Variants in COL18A1 observed in about 807,000 individuals in gnomAD.
COL18A1 encodes the protein collagen alpha-1(XVIII) chain.
Under a neutral mutation model 168.0 loss-of-function variants are expected in COL18A1, and 133 were observed. The ratio of observed to expected loss-of-function variants is 0.79; its 90% CI spans 0.69 to 0.91. The LOEUF (loss-of-function observed/expected upper bound fraction) is 0.91. COL18A1 is among the 40% of genes least tolerant of loss of function. The pLI is 0.00. For missense variants in COL18A1, 2,126 were observed against 1,925.4 expected, an observed-to-expected ratio of 1.10 and a Z score of -1.95; for synonymous variants, 949 against 809.0, an observed-to-expected ratio of 1.17 and a Z score of -2.94.
In COL18A1 at chr21:45,489,477, T is replaced by C. The variant is rs761030886; in HGVS notation, c.1924-9T>C. ...AGCAGGTGCTCACGGAGCCCCTTTT[T>C]TCACTTAGGGGGATCCTGGCGTGCC... On this transcript the variant is annotated splice_polypyrimidine_tract_variant and intron_variant, in intron 18 of 41. Transcript: ENST00000651438. The C allele has an allele frequency of 1.3e-6, 2 of 1,598,574 alleles. No homozygotes were observed. Among genetic ancestry groups the C allele is most frequent in the Non-Finnish European group, 1.7e-6 (2 of 1,172,486 alleles).
Position 45,411,775 on chromosome 21 carries a change from GGCA to G in COL18A1, c.106+6304_106+6306del, listed in dbSNP as rs1478809301. On this transcript the variant is annotated intron_variant, in intron 2 of 41. Coordinates refer to ENST00000651438, the MANE Select transcript of COL18A1 (RefSeq NM_001379500.1). ...GGCTGATGGCGGGGGGTGGGGGGGGGGCAGGCTGTGGTCAGGGACCTGCAGGAG... is the reference window on the plus strand; with the variant it reads ...GGCTGATGGCGGGGGGTGGGGGGGGGGGCTGTGGTCAGGGACCTGCAGGAG... Among the ~76,000 whole-genome samples, 107 of 131,852 alleles carry G rather than the reference GGCA, an allele frequency of 8.1e-4. 5 individuals carry two copies. Among genetic ancestry groups the G allele is most frequent in the Admixed American group, 2.6e-3 (34 of 13,170 alleles). The allele number at this position is 131,852 out of a possible 152,430, so 86.5% of individuals were successfully genotyped here.
rs2033029577 is a variant in COL18A1 at position 45,405,208 on chromosome 21, G to A, written c.-23G>A. ...GCGGCGGAGGAGGCAGCATCCCGCG[G>A]CGCTGACGGTCCTGGGGAGAGCATG... On this transcript the variant is annotated 5_prime_UTR_variant, in exon 1 of 42. Coordinates refer to ENST00000651438, the MANE Select transcript of COL18A1 (RefSeq NM_001379500.1). The A allele has an allele frequency of 5.6e-6, 2 of 357,984 alleles. No individual in the cohort carries two copies. The highest frequency in any genetic ancestry group is 9.9e-6 in the Non-Finnish European group (2 of 202,192). 22.2% of individuals were successfully genotyped at this position (357,984 alleles called of 1,614,324 possible). A position where few individuals can be genotyped will look rare whatever the true frequency, so the allele number is the denominator to read the frequency against.
At chr21:45,511,721 G>A (rs983435927) in intron 41 of COL18A1, among the ~76,000 whole-genome samples, 5 of 152,170 alleles carry the variant, frequency 3.3e-5, no homozygotes, top group African/African-American at 4.8e-5. Flanking sequence ...GGGGTGTCTC[G>A]GGGTGCCACA....
Position 45,504,432 on chromosome 21 carries a change from G to A in COL18A1, c.2744G>A (p.Arg915Gln), listed in dbSNP as rs570708678. 93 of 1,611,788 alleles carry A rather than the reference G, an allele frequency of 5.8e-5. No homozygotes were observed. The highest frequency in any genetic ancestry group is 3.2e-4 in the South Asian group (29 of 90,992). ...CGTCCACAGGGGGAGAAGGGAGACCGAGGTGATGCAGGACAGAAAGGCGAA... is the reference window on the plus strand; with the variant it reads ...CGTCCACAGGGGGAGAAGGGAGACCAAGGTGATGCAGGACAGAAAGGCGAA... ...EAEMKGEKGD[R>Q]GDAGQKGERG... The change falls in exon 34 of 42, where the codon CGA becomes CAA. Residue 915 changes from arginine (R) to glutamine (Q), a missense_variant. Physicochemically the swap from Arg to Gln is conservative, Grantham distance 43 (BLOSUM62 1). Coordinates refer to ENST00000651438, the MANE Select transcript of COL18A1 (RefSeq NM_001379500.1).
intron 15 of COL18A1, among the ~76,000 whole-genome samples, chr21:45,484,140 T>TAC (rs144630058): frequency 3.5e-5 from 3 of 85,686 alleles, no homozygotes; most frequent in Non-Finnish European, 6.4e-5. Flanking sequence ...CCAGCGTATG[T>TAC]ACACACACAC....
intron 13 of COL18A1, among the ~76,000 whole-genome samples, chr21:45,481,238 C>T (rs901268838): frequency 6.6e-5 from 10 of 152,192 alleles, no homozygotes; most frequent in Admixed American, 3.9e-4. Flanking sequence ...TTGGCCAACG[C>T]GGCTCGTAGG....
intron 2 of COL18A1, among the ~76,000 whole-genome samples, chr21:45,414,633 A>C (rs1271768961): frequency 6.6e-6 from 1 of 152,206 alleles, no homozygotes; most frequent in South Asian, 2.1e-4. Context: ...ATGTGGCCTG[A>C]GGGCCTCACG....
intron 32 of COL18A1, among the ~76,000 whole-genome samples, chr21:45,500,711 G>T (rs2036754321): frequency 2.5e-5 from 1 of 40,792 alleles, no homozygotes; most frequent in Non-Finnish European, 5.4e-5. Flanking sequence ...TGTTGGGTGT[G>T]TAGTGTGGGG....
chr21:45,472,022 G>A (rs775332628), intron 3 of COL18A1, among the ~76,000 whole-genome samples: 1 of 152,124 alleles, frequency 6.6e-6, no homozygotes, highest in African/African-American at 2.4e-5. Context: ...GTAGCCCCGT[G>A]CAGGAGGCGT....
At chr21:45,510,955 C>CA (rs1366005258) in intron 40 of COL18A1, among the ~76,000 whole-genome samples, 156 bp from the exon 41 acceptor site, 22 of 6,254 alleles carry the variant, frequency 3.5e-3, no homozygotes, top group East Asian at 8.5e-3. Context: ...ACCCACAACA[C>CA]CCCACATACA....
intron 32 of COL18A1, among the ~76,000 whole-genome samples, chr21:45,501,575 C>G (rs2036826642): frequency 6.6e-6 from 1 of 152,136 alleles, no homozygotes; most frequent in African/African-American, 2.4e-5. Context: ...TTAGGTGCGT[C>G]CAGGGCATCC....
intron 32 of COL18A1, among the ~76,000 whole-genome samples, chr21:45,500,163 GTAGTGTGGGGGTGTA>G (rs1471340646): frequency 1.3e-3 from 195 of 147,928 alleles, no homozygotes; most frequent in African/African-American, 4.4e-3. Flanking sequence ...ATGTGGGTGT[GTAGTGTGGGGGTGTA>G]TAGTGTGGGT....
At chr21:45,507,446 T>A (rs2146101693) in intron 37 of COL18A1, 115 bp from the exon 38 acceptor site, 1 of 724,102 alleles carries the variant, frequency 1.4e-6, no homozygotes, top group East Asian at 4.3e-5. Flanking sequence ...GAGGGCACCC[T>A]CCTGTGGGCT....
At chr21:45,434,197 C>CG (rs138579785) in intron 2 of COL18A1, among the ~76,000 whole-genome samples, 8 of 122,360 alleles carry the variant, frequency 6.5e-5, no homozygotes, top group African/African-American at 2.1e-4. Context: ...GTGGCTTCAC[C>CG]GGGGGGTGGT....
At chr21:45,493,971 C>T in intron 26 of COL18A1, 1 of 290,468 alleles carries the variant, frequency 3.4e-6, no homozygotes. Context: ...TGGGCAGGGC[C>T]CGGAGTCAGT....
intron 15 of COL18A1, 144 bp downstream of exon 15, chr21:45,482,965 A>G: frequency 1.6e-6 from 2 of 1,249,706 alleles, no homozygotes; most frequent in Non-Finnish European, 2.3e-6. Context: ...CCATCTGTCC[A>G]TCCGTCCTGC....
At chr21:45,405,582 C>A in intron 2 of COL18A1, 109 bp downstream of exon 2, 1 of 636,504 alleles carries the variant, frequency 1.6e-6, no homozygotes, top group Non-Finnish European at 2.2e-6. Flanking sequence ...GCTCTGGGTT[C>A]AGCCCCGGCC....
At chr21:45,511,942 T>C (rs1286748246) in intron 41 of COL18A1, among the ~76,000 whole-genome samples, 2 of 152,186 alleles carry the variant, frequency 1.3e-5, no homozygotes, top group Admixed American at 6.5e-5. Context: ...GGCCAAGCCC[T>C]GGCCCCTCTC....
At chr21:45,456,718 A>G (rs1199062084) in intron 2 of COL18A1, 3 of 1,533,256 alleles carry the variant, frequency 2.0e-6, no homozygotes, top group South Asian at 1.2e-5. Flanking sequence ...TGGTCCCCCC[A>G]TGCGGCAGCG....
Sources: gnomAD v4.1 joint callset for allele counts (sites outside exome capture counted in the v4.1 genomes callset) on GRCh38, gnomAD v4.1.1 for gene constraint, MANE v1.5 for transcripts, NCBI Gene and HGNC (gene_info 2026-07-23, HGNC 2026-07-21) for gene names.